The following ZC3H7B variants were observed in gnomAD, a reference collection of about 807,000 sequenced individuals.
ZC3H7B encodes the protein zinc finger CCCH domain-containing protein 7B.
In ZC3H7B, 35 loss-of-function variants were observed where a neutral mutation model predicts 116.0. That is an observed-to-expected ratio of 0.30 (90% CI 0.23 to 0.40). The LOEUF (loss-of-function observed/expected upper bound fraction) is 0.40. ZC3H7B is among the 10% of genes least tolerant of loss of function. ZC3H7B has a pLI of 1.00. For missense variants in ZC3H7B, 1,011 were observed against 1,321.5 expected (o/e 0.77, Z 3.64); for synonymous variants, 502 against 545.6 (o/e 0.92, Z 1.11).
rs193054855 is a variant in ZC3H7B, at chr22:41,352,953, A to G, written c.2034+1307A>G. On this transcript the variant is annotated intron_variant, in intron 17 of 22. Coordinates refer to ENST00000352645, the MANE Select transcript of ZC3H7B (RefSeq NM_017590.6). ...AAATTAGCCGGGCATGGTGGCGGGC[A>G]CCTGCAATTCCAGCTACTTGAGAAG... Among the ~76,000 whole-genome samples the G allele has an allele frequency of 4.7e-3, 713 of 150,726 alleles. 3 individuals are homozygous for G. The highest frequency in any genetic ancestry group is 7.8e-3 in the Non-Finnish European group (530 of 67,636).
chr22:41,338,290 C>T lies in ZC3H7B; in HGVS notation c.583-23C>T. 6.2e-7 allele frequency: 1 copy of T among 1,607,686 alleles called. No individual in the cohort carries two copies. Among genetic ancestry groups the T allele is most frequent in the African/African-American group, 1.4e-5 (1 of 72,962 alleles). ...GATCGGGGCCTTCCCAGCCACAGCG[C>T]CACTGTGGCCCTCTCCCCACAGGGA... is the stretch of plus-strand genomic sequence containing the variant. On this transcript the variant is annotated intron_variant, in intron 7 of 22. Coordinates refer to ENST00000352645, the MANE Select transcript of ZC3H7B (RefSeq NM_017590.6). This position sits in a 1 kb window ranked among gnomAD's most constrained non-coding sequence, Gnocchi z 4.5.
At chr22:41,305,628 C>T (rs998851501) in intron 1 of ZC3H7B, among the ~76,000 whole-genome samples, 6 of 152,110 alleles carry the variant, frequency 3.9e-5, no homozygotes, top group African/African-American at 7.2e-5. Flanking sequence ...CCCAGGGCCC[C>T]GAGGGGCTGG....
chr22:41,345,905 C>T (rs1000910444), intron 13 of ZC3H7B, 98 bp from the exon 14 acceptor site: 57 of 1,267,150 alleles, frequency 4.5e-5, no homozygotes, highest in African/African-American at 7.3e-5. Context: ...CTGCCTGGCT[C>T]ATGGGGCCAG....
In ZC3H7B at chr22:41,349,324, G is replaced by A. The variant is rs2036628761; in HGVS notation, c.1948+23G>A. ...CAGGTGAGGGGCAGGCGGTGCAGGT[G>A]GAGGGCAGGTGACTCAGGTGAGGGG... On this transcript the variant is annotated intron_variant, in intron 16 of 22. Transcript: ENST00000352645. This position sits in a 1 kb window ranked among gnomAD's most constrained non-coding sequence, Gnocchi z 4.9. 1 of 1,609,774 alleles carries A rather than the reference G, an allele frequency of 6.2e-7. No homozygotes were observed. Among genetic ancestry groups the A allele is most frequent in the Non-Finnish European group, 8.5e-7 (1 of 1,177,490 alleles).
Position 41,325,649 on chromosome 22 carries a change from G to A in ZC3H7B, c.87+52G>A, listed in dbSNP as rs772209664. The A allele has an allele frequency of 8.1e-6, 13 of 1,608,520 alleles. No individual in the cohort carries two copies. The African/African-American group carries it at 1.6e-4, about 20-fold the overall frequency. On this transcript the variant is annotated intron_variant, in intron 3 of 22. Transcript: ENST00000352645. ...AAGGTGAAGGGCGGAGATGTGCAGGGGAGAGGCGTGGGCCGGGTGCCAGAG... is the reference window on the plus strand; with the variant it reads ...AAGGTGAAGGGCGGAGATGTGCAGGAGAGAGGCGTGGGCCGGGTGCCAGAG...
intron 1 of ZC3H7B, among the ~76,000 whole-genome samples, chr22:41,313,653 T>C (rs1315648253): frequency 6.6e-6 from 1 of 152,182 alleles, no homozygotes; most frequent in African/African-American, 2.4e-5. Flanking sequence ...CAGGGAGGGC[T>C]TGGGAGTGCC....
intron 1 of ZC3H7B, among the ~76,000 whole-genome samples, chr22:41,306,768 G>A (rs531033650): frequency 6.6e-6 from 1 of 152,284 alleles, no homozygotes; most frequent in East Asian, 1.9e-4. Flanking sequence ...GTGAAGTGCA[G>A]AAGGGGCAGA....
chr22:41,326,801 C>T (rs990998004), intron 4 of ZC3H7B, among the ~76,000 whole-genome samples: 1 of 152,192 alleles, frequency 6.6e-6, no homozygotes, highest in African/African-American at 2.4e-5. Flanking sequence ...CAGGGTTAAC[C>T]CTTGTACACT....
In ZC3H7B at chr22:41,314,903, CG is replaced by C. The variant is rs1305163338; in HGVS notation, c.-6-5750del. On this transcript the variant is annotated intron_variant, in intron 1 of 22. Coordinates refer to ENST00000352645, the MANE Select transcript of ZC3H7B (RefSeq NM_017590.6). ...GTTTACAGGCATGAGTCACCATGCC[CG>C]GCCAATCATTATTATTACTTAAAAA... 2.2e-4 allele frequency among the ~76,000 whole-genome samples: 21 copies of C among 97,426 alleles called. 1 individual carries two copies. The highest frequency in any genetic ancestry group is 7.4e-5 in the Non-Finnish European group (3 of 40,550). The allele number at this position is 97,426 out of a possible 152,430, so 63.9% of individuals were successfully genotyped here. A position where few individuals can be genotyped will look rare whatever the true frequency, so the allele number is the denominator to read the frequency against.
In ZC3H7B at chr22:41,349,143, C is replaced by T. The variant is rs1391391569; in HGVS notation, c.1790C>T (p.Ser597Phe). 3 of 1,613,778 alleles carry T rather than the reference C, an allele frequency of 1.9e-6. No homozygotes were observed. The highest frequency in any genetic ancestry group is 2.5e-6 in the Non-Finnish European group (3 of 1,179,996). ...NNKCLVHIVRSTSLKYSKIRQ... is the reference protein window; with the variant it reads ...NNKCLVHIVRFTSLKYSKIRQ... ...AGGTGCCTGGTGCACATCGTCCGCT[C>T]CACCTCCCTCAAGTACTCCAAGATC... The change falls in exon 16 of 23, where the codon TCC (serine) becomes TTC (phenylalanine). Residue 597 changes from serine to phenylalanine, a missense_variant. Physicochemically the swap from Ser to Phe is radical, Grantham distance 155. Around this residue, in one of 5 missense-constraint regions of ZC3H7B, gnomAD observed 406 missense variants for 590.2 expected, o/e 0.69. Transcript: ENST00000352645. This position sits in a 1 kb window ranked among gnomAD's most constrained non-coding sequence, Gnocchi z 4.9.
intron 1 of ZC3H7B, among the ~76,000 whole-genome samples, chr22:41,313,783 C>G (rs550605402): frequency 2.6e-5 from 4 of 152,240 alleles, no homozygotes; most frequent in Non-Finnish European, 5.9e-5. Flanking sequence ...CTCTCTGTCG[C>G]TCAGGCTGGA....
At chr22:41,312,157 A>C (rs974546948) in intron 1 of ZC3H7B, among the ~76,000 whole-genome samples, 1 of 57,880 alleles carries the variant, frequency 1.7e-5, no homozygotes, top group Non-Finnish European at 3.4e-5. Flanking sequence ...ACTCCGTCTC[A>C]AAAAAAAAAA....
At chr22:41,320,610 C>T in intron 1 of ZC3H7B, 45 bp from the exon 2 acceptor site, 1 of 1,611,250 alleles carries the variant, frequency 6.2e-7, no homozygotes. Flanking sequence ...CTGACGGCAG[C>T]CTGGCTCTTG....
intron 2 of ZC3H7B, among the ~76,000 whole-genome samples, chr22:41,324,270 G>A (rs1355973374): frequency 6.6e-6 from 1 of 152,130 alleles, no homozygotes; most frequent in African/African-American, 2.4e-5. Context: ...TGAGAGGTGG[G>A]CTGGTGAGCC....
chr22:41,327,148 G>T lies in ZC3H7B; in HGVS notation c.286-58G>T. On this transcript the variant is annotated intron_variant, in intron 4 of 22. Transcript: ENST00000352645. This position sits in a 1 kb window ranked among gnomAD's most constrained non-coding sequence, Gnocchi z 4.5. ...GTTCCTTCCTAGGCAGGGGCAGGAG[G>T]CCTGGGGGAGGGAGGGTAACAGGTG... 6.3e-7 allele frequency: 1 copy of T among 1,594,410 alleles called. No homozygotes were observed. The highest frequency in any genetic ancestry group is 1.1e-5 in the South Asian group (1 of 89,682).
rs374532466 is a variant in ZC3H7B, at chr22:41,325,900, C to T, written c.267C>T (p.Ala89=). The part of the protein sequence containing the change: ...ELLCKLHVNR[A]ACYFTMGLYE... Reference sequence around the variant, plus strand: ...TGTGCAAGCTGCATGTCAATAGGGCCGCCTGCTACTTCACCATGGTGAGCC... The same window carrying T: ...TGTGCAAGCTGCATGTCAATAGGGCTGCCTGCTACTTCACCATGGTGAGCC... The change falls in exon 4 of 23, where the codon GCC becomes GCT. Residue 89 remains alanine (A), a synonymous_variant. Coordinates refer to ENST00000352645, the MANE Select transcript of ZC3H7B (RefSeq NM_017590.6). The T allele has an allele frequency of 1.3e-5, 21 of 1,607,532 alleles. No homozygotes were observed. The highest frequency in any genetic ancestry group is 6.7e-5 in the South Asian group (6 of 89,954).
chr22:41,307,875 T>G (rs937725102), intron 1 of ZC3H7B, among the ~76,000 whole-genome samples: 19 of 152,156 alleles, frequency 1.2e-4, no homozygotes, highest in African/African-American at 4.6e-4. Flanking sequence ...TTAGCTGCCA[T>G]GCAGGAGACA....
At chr22:41,332,135 C>T (rs1171521299) in intron 6 of ZC3H7B, 36 bp from the exon 7 acceptor site, 1 of 1,612,860 alleles carries the variant, frequency 6.2e-7, no homozygotes, top group Non-Finnish European at 8.5e-7. Context: ...TTTTCAGAAT[C>T]TTTACCTCTG....
intron 1 of ZC3H7B, among the ~76,000 whole-genome samples, chr22:41,311,993 G>C (rs1053301778): frequency 2.0e-5 from 3 of 151,726 alleles, no homozygotes; most frequent in African/African-American, 7.3e-5. Context: ...ATCCTTTACT[G>C]GTAGACATTA....
Sources: gnomAD v4.1 joint callset for allele counts (sites outside exome capture counted in the v4.1 genomes callset) on GRCh38, gnomAD v4.1.1 for gene constraint, gnomAD v4.1.1 regional missense constraint, Gnocchi (gnomAD v3.1) non-coding constraint, MANE v1.5 for transcripts, NCBI Gene and HGNC (gene_info 2026-07-23, HGNC 2026-07-21) for gene names.